GRAMD1B: variants seen among roughly 807,000 people sequenced by gnomAD.
GRAMD1B encodes the protein protein Aster-B.
A neutral mutation model predicts 99.7 loss-of-function variants in GRAMD1B; 37 were observed. The ratio of observed to expected loss-of-function variants is 0.37; its 90% CI spans 0.29 to 0.49. GRAMD1B has a LOEUF of 0.49. GRAMD1B is among the 20% of genes least tolerant of loss of function. The pLI is 0.98. For missense variants in GRAMD1B, 888 were observed against 1,009.2 expected (o/e 0.88, Z 1.63); for synonymous variants, 427 against 387.6 (o/e 1.10, Z -1.19).
At chr11:123,462,897 A>T (rs1390211988) in intron 1 of GRAMD1B, among the ~76,000 whole-genome samples, 13 of 148,434 alleles carry the variant, frequency 8.8e-5, no homozygotes, top group African/African-American at 3.2e-4. Context: ...AAATTAAAAA[A>T]AAAAAAAAAA....
At chr11:123,395,183 T>A (rs970020463) in intron 1 of GRAMD1B, among the ~76,000 whole-genome samples, 2 of 152,328 alleles carry the variant, frequency 1.3e-5, no homozygotes, top group East Asian at 3.9e-4. Context: ...TAATAAATTC[T>A]AGTTTAATGA....
At chr11:123,598,604 C>T (rs1291645473) in intron 7 of GRAMD1B, 9 of 1,500,132 alleles carry the variant, frequency 6.0e-6, no homozygotes, top group Non-Finnish European at 8.3e-6. Flanking sequence ...TGAATAGTCT[C>T]TGGGCTCGCT....
intron 1 of GRAMD1B, among the ~76,000 whole-genome samples, chr11:123,415,046 G>C (rs1012233485): frequency 6.6e-6 from 1 of 151,218 alleles, no homozygotes; most frequent in Non-Finnish European, 1.5e-5. Context: ...GGCCCCTAAG[G>C]CTGCCAGGCT....
At chr11:123,499,288 A>T (rs2135140269) in intron 2 of GRAMD1B, among the ~76,000 whole-genome samples, 1 of 152,328 alleles carries the variant, frequency 6.6e-6, no homozygotes, top group African/African-American at 2.4e-5. Context: ...ACACAGGAAG[A>T]AGTCCCTCAC....
intron 2 of GRAMD1B, among the ~76,000 whole-genome samples, chr11:123,543,605 G>C (rs150589737): frequency 6.5e-4 from 99 of 152,360 alleles, no homozygotes; most frequent in African/African-American, 2.2e-3. Context: ...CCAGAATAGA[G>C]AAGTCAGTGC....
In GRAMD1B at chr11:123,622,735, A is replaced by G. The variant is rs936858060; in HGVS notation, c.*140A>G. On this transcript the variant is annotated 3_prime_UTR_variant, in exon 20 of 20. Coordinates refer to ENST00000635736, the MANE Select transcript of GRAMD1B (RefSeq NM_001387025.1). ...AGATTTTAAAAAAGAGATAATGCCT[A>G]TGTACCAGGGAGAAGGAGCGGGCCC... 3 of 218,424 alleles carry G rather than the reference A, an allele frequency of 1.4e-5. No homozygotes were observed. Among genetic ancestry groups the G allele is most frequent in the African/African-American group, 4.7e-5 (2 of 42,664 alleles). 13.5% of individuals were successfully genotyped at this position (218,424 alleles called of 1,614,324 possible). A position where few individuals can be genotyped will look rare whatever the true frequency, so the allele number is the denominator to read the frequency against.
At chr11:123,487,647 C>T (rs1397910587) in intron 2 of GRAMD1B, among the ~76,000 whole-genome samples, 4 of 152,216 alleles carry the variant, frequency 2.6e-5, no homozygotes, top group African/African-American at 4.8e-5. Context: ...CTTTGTCACC[C>T]AGGCTGGAGT....
intron 2 of GRAMD1B, among the ~76,000 whole-genome samples, chr11:123,486,554 G>GAAA (rs770942713): frequency 3.9e-5 from 4 of 102,334 alleles, no homozygotes; most frequent in African/African-American, 6.5e-5. Flanking sequence ...TCTCAAAAAA[G>GAAA]AAAAAAAAAA....
chr11:123,401,754 A>G (rs2135920643), intron 1 of GRAMD1B, among the ~76,000 whole-genome samples: 1 of 152,174 alleles, frequency 6.6e-6, no homozygotes, highest in South Asian at 2.1e-4. Flanking sequence ...AACAAAAACA[A>G]AGAAATTAGC....
At chr11:123,491,329 A>G (rs1189910616) in intron 2 of GRAMD1B, among the ~76,000 whole-genome samples, 2 of 152,134 alleles carry the variant, frequency 1.3e-5, no homozygotes, top group South Asian at 2.1e-4. Flanking sequence ...CCCCAGTAGC[A>G]TATTTCCAGA....
chr11:123,490,030 A>G (rs1438075779), intron 2 of GRAMD1B, among the ~76,000 whole-genome samples: 1 of 152,160 alleles, frequency 6.6e-6, no homozygotes, highest in Non-Finnish European at 1.5e-5. Context: ...TAGCTACTGC[A>G]CTCCAGTCTG....
At chr11:123,598,478 G>T in intron 7 of GRAMD1B, 1 of 1,099,532 alleles carries the variant, frequency 9.1e-7, no homozygotes, top group Non-Finnish European at 1.4e-6. Context: ...CATAGATTTG[G>T]GCTTCTAGAA....
intron 1 of GRAMD1B, among the ~76,000 whole-genome samples, chr11:123,460,700 G>C (rs1205099584): frequency 6.6e-6 from 1 of 152,194 alleles, no homozygotes; most frequent in East Asian, 1.9e-4. Context: ...GCAGGATTTG[G>C]GGGGCGGACA....
At position 123,610,085 on chromosome 11, in the gene GRAMD1B, C is replaced by A. The variant is rs750536264; in HGVS notation, c.1777-111C>A. ...GCTGCTGATTCCAGTGATCCTGGTT[C>A]TCCTGTTCAGAAGCCGTGGGGTGGG... is the stretch of plus-strand genomic sequence containing the variant. On this transcript the variant is annotated intron_variant, in intron 13 of 19. Transcript: ENST00000635736. This position sits in a 1 kb window ranked among gnomAD's most constrained non-coding sequence, Gnocchi z 4.1. 3.0e-6 allele frequency: 3 copies of A among 996,734 alleles called. No individual in the cohort carries two copies. The highest frequency in any genetic ancestry group is 4.6e-6 in the Non-Finnish European group (3 of 651,946). The allele number at this position is 996,734 out of a possible 1,614,324, so 61.7% of individuals were successfully genotyped here.
intron 1 of GRAMD1B, among the ~76,000 whole-genome samples, chr11:123,477,145 CTCTT>C (rs1422893560): frequency 7.2e-5 from 11 of 151,972 alleles, no homozygotes; most frequent in Non-Finnish European, 1.2e-4. Flanking sequence ...ACATTTCTTT[CTCTT>C]TCTTTCTTTC....
At chr11:123,441,674 C>T (rs1175061809) in intron 1 of GRAMD1B, among the ~76,000 whole-genome samples, 2 of 151,946 alleles carry the variant, frequency 1.3e-5, no homozygotes, top group African/African-American at 2.4e-5. Flanking sequence ...CATATACCTG[C>T]AGTCCCAGCT....
intron 1 of GRAMD1B, among the ~76,000 whole-genome samples, chr11:123,472,400 C>T (rs1351888764): frequency 2.0e-5 from 3 of 152,138 alleles, no homozygotes; most frequent in African/African-American, 7.2e-5. Context: ...TCACTGTAAC[C>T]TTGATCTCTT....
chr11:123,548,191 G>C (rs1409909095), intron 2 of GRAMD1B, among the ~76,000 whole-genome samples: 1 of 151,050 alleles, frequency 6.6e-6, no homozygotes, highest in Non-Finnish European at 1.5e-5. Context: ...GGTGTCTGCA[G>C]CTTGTCATTT....
intron 1 of GRAMD1B, among the ~76,000 whole-genome samples, chr11:123,419,096 T>C (rs1948331827): frequency 6.6e-6 from 1 of 152,134 alleles, no homozygotes; most frequent in African/African-American, 2.4e-5. Flanking sequence ...TAAATGAATA[T>C]TGAGGACATT....
Sources: allele counts gnomAD v4.1 joint callset (sites outside exome capture counted in the v4.1 genomes callset), GRCh38; gene constraint gnomAD v4.1.1; non-coding constraint Gnocchi (gnomAD v3.1); transcripts MANE v1.5; gene names NCBI Gene and HGNC (gene_info 2026-07-23, HGNC 2026-07-21).